PLBD1: variants seen among roughly 807,000 people sequenced by gnomAD.
PLBD1 encodes lysosomal leucine aminopeptidase.
In PLBD1, 60 loss-of-function variants were observed where a neutral mutation model predicts 63.0. The observed-to-expected ratio is 0.95, with a 90% CI of 0.77 to 1.18. The LOEUF is 1.18. PLBD1 is among the 50% of genes most tolerant of loss of function. The pLI is 0.00. For missense variants in PLBD1, 598 were observed against 677.9 expected, an observed-to-expected ratio of 0.88 and a Z score of 1.31; for synonymous variants, 262 against 248.0, an observed-to-expected ratio of 1.06 and a Z score of -0.53.
intron 4 of PLBD1, among the ~76,000 whole-genome samples, chr12:14,540,335 CT>C (rs1299233768): frequency 3.3e-5 from 5 of 151,508 alleles, no homozygotes; most frequent in Non-Finnish European, 5.9e-5. Context: ...TTCAGTAAAG[CT>C]TTCCCCCAGA....
At chr12:14,533,817 G>A (rs1298163295) in intron 6 of PLBD1, among the ~76,000 whole-genome samples, 1 of 152,192 alleles carries the variant, frequency 6.6e-6, no homozygotes, top group Non-Finnish European at 1.5e-5. Flanking sequence ...AGGTCACAAG[G>A]ACAGAGAAAT....
intron 1 of PLBD1, 58 bp downstream of exon 1, chr12:14,567,523 GC>G (rs1945801043): frequency 1.4e-6 from 2 of 1,424,456 alleles, no homozygotes. Flanking sequence ...GGGCACGGGC[GC>G]TAACAGGCTC....
chr12:14,517,762 C>G lies in PLBD1; in HGVS notation c.845-6051G>C, dbSNP rs192194093. Among the ~76,000 whole-genome samples, 69 of 152,282 alleles carry G rather than the reference C, an allele frequency of 4.5e-4. 2 individuals carry two copies. The highest frequency in any genetic ancestry group is 3.5e-3 in the Admixed American group (53 of 15,292). On this transcript the variant is annotated intron_variant, in intron 6 of 10. Coordinates refer to ENST00000240617, the MANE Select transcript of PLBD1 (RefSeq NM_024829.6). ...AGGATGTCAAAGAACTGCACTTTGT[C>G]TAAAGAGAAGTTTGATGTTTTGTAT...
intron 2 of PLBD1, among the ~76,000 whole-genome samples, chr12:14,543,394 T>C (rs970836892): frequency 6.6e-6 from 1 of 152,218 alleles, no homozygotes; most frequent in African/African-American, 2.4e-5. Flanking sequence ...GATTTAGTTT[T>C]ACCTTTTTAA....
intron 1 of PLBD1, among the ~76,000 whole-genome samples, chr12:14,564,466 C>T (rs1464230536): frequency 2.0e-5 from 3 of 152,256 alleles, no homozygotes; most frequent in African/African-American, 7.2e-5. Context: ...TCTCGGCTGA[C>T]TCAAGTGTAT....
intron 4 of PLBD1, among the ~76,000 whole-genome samples, chr12:14,540,265 G>T (rs939994316): frequency 6.6e-6 from 1 of 150,680 alleles, no homozygotes; most frequent in Non-Finnish European, 1.5e-5. Flanking sequence ...TATTATCACG[G>T]GAAATAAAAT....
chr12:14,529,430 A>C (rs1254702120), intron 6 of PLBD1, among the ~76,000 whole-genome samples: 1 of 152,202 alleles, frequency 6.6e-6, no homozygotes, highest in Non-Finnish European at 1.5e-5. Flanking sequence ...AGAGAATAAC[A>C]CATCATGACT....
intron 2 of PLBD1, among the ~76,000 whole-genome samples, chr12:14,546,450 C>T (rs1332949203): frequency 6.6e-6 from 1 of 152,118 alleles, no homozygotes; most frequent in East Asian, 1.9e-4. Flanking sequence ...TACTTTTTAT[C>T]CAAAGTCTTC....
intron 6 of PLBD1, among the ~76,000 whole-genome samples, chr12:14,516,741 AT>A (rs1344465168): frequency 1.2e-4 from 18 of 152,108 alleles, no homozygotes; most frequent in Non-Finnish European, 2.6e-4. Context: ...GGGATCCTCA[AT>A]TAAAAGTCCT....
chr12:14,505,106 CTTTTTTT>C (rs57466061), intron 10 of PLBD1, among the ~76,000 whole-genome samples: 41,665 of 140,568 alleles, frequency 0.3, 7,138 homozygotes, highest in Admixed American at 0.45. Flanking sequence ...CTACGTCTAC[CTTTTTTT>C]TTTTTTTTTT....
At chr12:14,536,899 G>A (rs1945521797) in intron 4 of PLBD1, among the ~76,000 whole-genome samples, 189 bp from the exon 5 acceptor site, 1 of 152,062 alleles carries the variant, frequency 6.6e-6, no homozygotes, top group Non-Finnish European at 1.5e-5. Flanking sequence ...GACCAGCCTG[G>A]CCAACACAGC....
intron 8 of PLBD1, among the ~76,000 whole-genome samples, chr12:14,510,456 A>G (rs1432646171): frequency 6.6e-6 from 1 of 152,236 alleles, no homozygotes; most frequent in Non-Finnish European, 1.5e-5. Context: ...TTTTGCTGCC[A>G]AGTGAGTTCA....
chr12:14,524,634 T>C (rs534754151), intron 6 of PLBD1, among the ~76,000 whole-genome samples: 191 of 152,136 alleles, frequency 1.3e-3, no homozygotes, highest in Non-Finnish European at 2.0e-3. Context: ...ATGTTTGCGG[T>C]GAAGAATATA....
intron 2 of PLBD1, among the ~76,000 whole-genome samples, chr12:14,551,675 CT>C (rs1945660549): frequency 7.1e-6 from 1 of 141,368 alleles, no homozygotes; most frequent in Non-Finnish European, 1.5e-5. Flanking sequence ...TTAGAACATT[CT>C]CAGAGATTAG....
intron 6 of PLBD1, among the ~76,000 whole-genome samples, chr12:14,515,408 TA>T (rs201873875): frequency 4.8e-5 from 7 of 147,106 alleles, no homozygotes; most frequent in East Asian, 2.0e-4. Context: ...GAAAGGTACT[TA>T]AAAAAAAAAC....
intron 9 of PLBD1, 102 bp from the exon 10 acceptor site, chr12:14,506,370 G>A (rs1217159928): frequency 1.2e-6 from 1 of 815,924 alleles, no homozygotes; most frequent in East Asian, 2.7e-5. Flanking sequence ...TAATCAGAGA[G>A]TGTACTCCCA....
At chr12:14,542,448 G>A (rs1945581759) in intron 2 of PLBD1, among the ~76,000 whole-genome samples, 157 bp from the exon 3 acceptor site, 2 of 151,772 alleles carry the variant, frequency 1.3e-5, no homozygotes. Context: ...TTTCAAATTG[G>A]GAAATATTTA....
intron 6 of PLBD1, among the ~76,000 whole-genome samples, chr12:14,528,333 A>G (rs1945432722): frequency 6.6e-6 from 1 of 152,176 alleles, no homozygotes; most frequent in South Asian, 2.1e-4. Context: ...ATGCTGAGCC[A>G]TAACACAGGT....
At position 14,511,252 on chromosome 12, in the gene PLBD1, G is replaced by C; in HGVS notation, c.1186+8C>G. 1 of 1,568,910 alleles carries C rather than the reference G, an allele frequency of 6.4e-7. No individual in the cohort carries two copies. The highest frequency in any genetic ancestry group is 8.6e-7 in the Non-Finnish European group (1 of 1,159,418). ...CAGGTTTTAAGACTTACGACATGAA[G>C]AAAGTACCTTTCCGTAGAACATCAG... is the stretch of plus-strand genomic sequence containing the variant. On this transcript the variant is annotated splice_region_variant and intron_variant, in intron 8 of 10. Coordinates refer to ENST00000240617, the MANE Select transcript of PLBD1 (RefSeq NM_024829.6).
Sources: gnomAD v4.1 joint callset for allele counts (sites outside exome capture counted in the v4.1 genomes callset) on GRCh38, gnomAD v4.1.1 for gene constraint, MANE v1.5 for transcripts, NCBI Gene and HGNC (gene_info 2026-07-23, HGNC 2026-07-21) for gene names.